The following ARID1B variants were observed in gnomAD, a reference collection of about 807,000 sequenced individuals.
ARID1B encodes the protein AT-rich interactive domain-containing protein 1B.
Under a neutral mutation model 212.3 loss-of-function variants are expected in ARID1B, and 30 were observed. The ratio of observed to expected loss-of-function variants is 0.14; its 90% CI spans 0.11 to 0.19. The LOEUF (loss-of-function observed/expected upper bound fraction) is 0.19, where lower values mean the gene tolerates loss of function less well. ARID1B is among the 10% of genes least tolerant of loss of function. The pLI, the probability that ARID1B is intolerant of heterozygous loss-of-function variation, is 1.00. For synonymous variants in ARID1B, 1,402 were observed against 1,301.7 expected (o/e 1.08, Z -1.66); for missense variants, 2,891 against 3,204.0 (o/e 0.90, Z 2.36).
intron 7 of ARID1B, among the ~76,000 whole-genome samples, chr6:157,147,776 C>T (rs1159993304): frequency 1.1e-5 from 1 of 89,008 alleles, no homozygotes; most frequent in Non-Finnish European, 2.2e-5. Flanking sequence ...CCTCCGCCTC[C>T]GGCCCTGCCC....
intron 4 of ARID1B, chr6:156,984,825 C>CT (rs1777825796): frequency 6.6e-6 from 1 of 152,200 alleles, no homozygotes; most frequent in Non-Finnish European, 1.5e-5. Context: ...GTAGTTGGGA[C>CT]TACGGGCATG....
intron 4 of ARID1B, among the ~76,000 whole-genome samples, chr6:157,077,846 C>T (rs1784403037): frequency 6.6e-6 from 1 of 152,326 alleles, no homozygotes; most frequent in South Asian, 2.1e-4. Flanking sequence ...CCTCCTCTCA[C>T]CCATCCCACA....
At chr6:157,192,314 C>A (rs1445088960) in intron 15 of ARID1B, among the ~76,000 whole-genome samples, 1 of 151,990 alleles carries the variant, frequency 6.6e-6, no homozygotes. Flanking sequence ...ATTCCCATAT[C>A]CCACCGATAC....
chr6:157,017,830 T>C (rs931917776), intron 4 of ARID1B, among the ~76,000 whole-genome samples: 1 of 152,038 alleles, frequency 6.6e-6, no homozygotes, highest in Non-Finnish European at 1.5e-5. Context: ...TAAACATCTC[T>C]AAAATGGAAA....
At chr6:156,810,069 A>T in intron 1 of ARID1B, among the ~76,000 whole-genome samples, 1 of 152,214 alleles carries the variant, frequency 6.6e-6, no homozygotes, top group Non-Finnish European at 1.5e-5. Context: ...TACATGTGAA[A>T]TATAGGAAGG....
intron 4 of ARID1B, among the ~76,000 whole-genome samples, chr6:156,966,194 T>C (rs908769417): frequency 6.6e-6 from 1 of 152,222 alleles, no homozygotes; most frequent in Non-Finnish European, 1.5e-5. Context: ...ACTTGAAATT[T>C]ACATTAAATT....
Position 156,779,396 on chromosome 6 carries a change from C to G in ARID1B, c.1716C>G (p.Ala572=), listed in dbSNP as rs766027272. 3.5e-6 allele frequency: 5 copies of G among 1,432,310 alleles called. No individual in the cohort carries two copies. Among genetic ancestry groups the G allele is most frequent in the African/African-American group, 3.0e-5 (2 of 67,714 alleles). 88.7% of individuals were successfully genotyped at this position (1,432,310 alleles called of 1,614,324 possible). Reference sequence around the variant, plus strand: ...CCCAGTACGCCGCTGCCAGCCCGGCCTGGGCGGCCGCGCAACAAAGGAGTC... The same window carrying G: ...CCCAGTACGCCGCTGCCAGCCCGGCGTGGGCGGCCGCGCAACAAAGGAGTC... The part of the protein sequence containing the change: ...MGAQYAAASP[A]WAAAQQRSHP... The change falls in exon 1 of 20, where the codon GCC becomes GCG. Residue 572 remains alanine, a synonymous_variant. Transcript: ENST00000636930.
intron 4 of ARID1B, among the ~76,000 whole-genome samples, chr6:157,063,769 G>C (rs1157681443): frequency 6.6e-6 from 1 of 152,174 alleles, no homozygotes; most frequent in Non-Finnish European, 1.5e-5. Flanking sequence ...TGTGTTATCT[G>C]GGAGGGTTTT....
At chr6:157,047,153 T>G (rs1488846650) in intron 4 of ARID1B, among the ~76,000 whole-genome samples, 1 of 152,166 alleles carries the variant, frequency 6.6e-6, no homozygotes, top group Non-Finnish European at 1.5e-5. Context: ...TCTAATATCA[T>G]TTTAGATCAG....
At chr6:156,897,208 TGCTGCTG>T (rs1562468129) in intron 2 of ARID1B, among the ~76,000 whole-genome samples, 1 of 77,762 alleles carries the variant, frequency 1.3e-5, no homozygotes, top group African/African-American at 4.7e-5. Context: ...CTGCTGCTGC[TGCTGCTG>T]CTGCTTCTTC....
chr6:156,892,043 C>CTTTTTTTTTTTTTTT (rs1047406340), intron 2 of ARID1B, among the ~76,000 whole-genome samples: 1 of 115,168 alleles, frequency 8.7e-6, no homozygotes, highest in African/African-American at 3.2e-5. Context: ...AGCGAATTTT[C>CTTTTTTTTTTTTTTT]TTTTTTTTTT....
intron 5 of ARID1B, among the ~76,000 whole-genome samples, chr6:157,103,200 T>C (rs1412346391): frequency 1.3e-5 from 2 of 152,146 alleles, no homozygotes; most frequent in African/African-American, 4.8e-5. Flanking sequence ...GTTACAAAGA[T>C]CTAATTATCT....
chr6:157,084,526 C>T, intron 4 of ARID1B, 136 bp from the exon 5 acceptor site: 1 of 1,086,922 alleles, frequency 9.2e-7, no homozygotes. Context: ...TAAAAAGTGG[C>T]CATGCTTTTT....
At chr6:156,946,001 C>T (rs902249890) in intron 4 of ARID1B, among the ~76,000 whole-genome samples, 2 of 151,948 alleles carry the variant, frequency 1.3e-5, no homozygotes, top group African/African-American at 2.4e-5. Context: ...AGAGCAAGAC[C>T]CTGTCTCAAC....
intron 4 of ARID1B, among the ~76,000 whole-genome samples, chr6:157,070,620 C>G (rs555200664): frequency 1.3e-5 from 2 of 152,314 alleles, no homozygotes; most frequent in South Asian, 4.1e-4. Context: ...GCCAGGAGTT[C>G]AGGTATGAAG....
At chr6:156,964,430 T>G (rs1296655788) in intron 4 of ARID1B, among the ~76,000 whole-genome samples, 2 of 152,218 alleles carry the variant, frequency 1.3e-5, no homozygotes, top group Non-Finnish European at 2.9e-5. Flanking sequence ...GCTAATTTCT[T>G]CTGGAAAAAA....
chr6:157,098,810 G>C (rs1785848236), intron 5 of ARID1B, among the ~76,000 whole-genome samples: 1 of 152,182 alleles, frequency 6.6e-6, no homozygotes, highest in Non-Finnish European at 1.5e-5. Flanking sequence ...AGGCTGAGCT[G>C]TGCCAGCCGC....
At chr6:156,935,842 G>A (rs909791421) in intron 4 of ARID1B, 5 of 379,884 alleles carry the variant, frequency 1.3e-5, no homozygotes, top group African/African-American at 1.0e-4. Context: ...TGTGCAGGTG[G>A]TTATTGCTGT....
chr6:156,942,868 C>G (rs923446951), intron 4 of ARID1B: 1 of 152,222 alleles, frequency 6.6e-6, no homozygotes, highest in Non-Finnish European at 1.5e-5. Flanking sequence ...TGGGAAATAG[C>G]TTTTAATTTA....
Sources: gnomAD v4.1 joint callset for allele counts (sites outside exome capture counted in the v4.1 genomes callset) on GRCh38, gnomAD v4.1.1 for gene constraint, MANE v1.5 for transcripts, NCBI Gene and HGNC (gene_info 2026-07-23, HGNC 2026-07-21) for gene names.